Variants in FKBP6 observed in about 807,000 individuals in gnomAD.
The protein encoded by FKBP6 is inactive peptidyl-prolyl cis-trans isomerase FKBP6.
Under a neutral mutation model 41.7 loss-of-function variants are expected in FKBP6, and 29 were observed. The observed-to-expected ratio is 0.70, with a 90% confidence interval of 0.52 to 0.95. The LOEUF (loss-of-function observed/expected upper bound fraction) is 0.95, where lower values mean the gene tolerates loss of function less well. Among genes scored for constraint, FKBP6 ranks in the 40% least tolerant of loss-of-function variants. The pLI, the probability that FKBP6 is intolerant of heterozygous loss-of-function variation, is 0.00. For synonymous variants in FKBP6, 130 were observed against 165.1 expected, an observed-to-expected ratio of 0.79 and a Z score of 1.63; for missense variants, 338 against 408.7, an observed-to-expected ratio of 0.83 and a Z score of 1.49.
chr7:73,340,559 A>T, intron 5 of FKBP6, 79 bp from the exon 6 acceptor site: 1 of 1,174,098 alleles, frequency 8.5e-7, no homozygotes, highest in Non-Finnish European at 1.3e-6. Context: ...TAGCTCTGAT[A>T]GTTTTTGCGT....
At chr7:73,344,710 G>T (rs1470676092) in intron 8 of FKBP6, among the ~76,000 whole-genome samples, 1 of 151,936 alleles carries the variant, frequency 6.6e-6, no homozygotes, top group African/African-American at 2.4e-5. Context: ...TCAGCCTCCC[G>T]AGTAGCTGGG....
intron 8 of FKBP6, among the ~76,000 whole-genome samples, chr7:73,353,745 T>G (rs1554551462): frequency 6.6e-6 from 1 of 152,056 alleles, no homozygotes; most frequent in African/African-American, 2.4e-5. Flanking sequence ...TTCTTTTTTT[T>G]TTTTTTGAGG....
At chr7:73,356,198 G>A (rs1166300646) in intron 8 of FKBP6, among the ~76,000 whole-genome samples, 3 of 151,640 alleles carry the variant, frequency 2.0e-5, no homozygotes, top group Admixed American at 6.6e-5. Flanking sequence ...AGAGAACTAC[G>A]TCGTTTTTAA....
chr7:73,342,334 C>T (rs386714649), intron 7 of FKBP6, among the ~76,000 whole-genome samples: 1 of 152,184 alleles, frequency 6.6e-6, no homozygotes, highest in Admixed American at 6.5e-5. Flanking sequence ...ATTAAACATT[C>T]GGTCCAGATT....
At chr7:73,331,829 T>G (rs1804854827) in intron 5 of FKBP6, 53 bp downstream of exon 5, 1 of 1,558,110 alleles carries the variant, frequency 6.4e-7, no homozygotes, top group Non-Finnish European at 8.9e-7. Flanking sequence ...AACTTCCTTG[T>G]TTAAAAAACA....
intron 8 of FKBP6, among the ~76,000 whole-genome samples, chr7:73,353,741 T>G (rs904358414): frequency 6.6e-6 from 1 of 151,854 alleles, no homozygotes; most frequent in African/African-American, 2.4e-5. Context: ...TTTCTTCTTT[T>G]TTTTTTTTTT....
rs1554547142 is a variant in FKBP6, at chr7:73,329,461, G to A, written c.265+12G>A. 6.7e-7 allele frequency: 1 copy of A among 1,487,556 alleles called. No individual in the cohort carries two copies. The highest frequency in any genetic ancestry group is 9.4e-7 in the Non-Finnish European group (1 of 1,064,516). 92.1% of individuals were successfully genotyped at this position (1,487,556 alleles called of 1,614,324 possible). ...GAAACTTGGAGAGGGTAGGTTCAGAGTGGGAGCTGGAGAAGAAGGAATTGT... is the reference window on the plus strand; with the variant it reads ...GAAACTTGGAGAGGGTAGGTTCAGAATGGGAGCTGGAGAAGAAGGAATTGT... On this transcript the variant is annotated intron_variant, in intron 3 of 8. Transcript: ENST00000252037.
At chr7:73,351,128 G>A (rs1270093104) in intron 8 of FKBP6, among the ~76,000 whole-genome samples, 1 of 152,026 alleles carries the variant, frequency 6.6e-6, no homozygotes, top group African/African-American at 2.4e-5. Flanking sequence ...CACCCAGGCT[G>A]GAGTACAGTG....
chr7:73,352,261 G>C (rs1043874787), intron 8 of FKBP6, among the ~76,000 whole-genome samples: 3 of 152,220 alleles, frequency 2.0e-5, no homozygotes, highest in Non-Finnish European at 4.4e-5. Context: ...ACCGCGCCCA[G>C]CCATGGAGCA....
chr7:73,354,455 C>T (rs1554551603), intron 8 of FKBP6, among the ~76,000 whole-genome samples: 1 of 152,158 alleles, frequency 6.6e-6, no homozygotes, highest in Non-Finnish European at 1.5e-5. Context: ...TGAGAAGCCG[C>T]CTGGCAGGAG....
intron 8 of FKBP6, among the ~76,000 whole-genome samples, chr7:73,348,782 G>C (rs1805404586): frequency 6.6e-6 from 1 of 152,170 alleles, no homozygotes; most frequent in Non-Finnish European, 1.5e-5. Flanking sequence ...CCTACTTATA[G>C]TCACTAGTTT....
intron 8 of FKBP6, among the ~76,000 whole-genome samples, chr7:73,357,134 A>G (rs531570341): frequency 6.6e-5 from 10 of 152,158 alleles, no homozygotes; most frequent in African/African-American, 2.4e-4. Flanking sequence ...CTTCTAGAAC[A>G]GTAGCGATGG....
chr7:73,342,138 T>G (rs1805210422), intron 7 of FKBP6, among the ~76,000 whole-genome samples: 1 of 152,158 alleles, frequency 6.6e-6, no homozygotes, highest in Non-Finnish European at 1.5e-5. Context: ...CCCACGTGAC[T>G]AAGCACACCA....
chr7:73,338,890 A>T (rs969189183), intron 5 of FKBP6, among the ~76,000 whole-genome samples: 5 of 152,240 alleles, frequency 3.3e-5, no homozygotes, highest in African/African-American at 1.2e-4. Flanking sequence ...CAAACACAGG[A>T]TGCGCAAATG....
chr7:73,336,928 G>C (rs1162652592), intron 5 of FKBP6: 1 of 337,274 alleles, frequency 3.0e-6, no homozygotes, highest in Non-Finnish European at 6.1e-6. Flanking sequence ...AAGAGATCAA[G>C]GAAACAGAAG....
intron 5 of FKBP6, among the ~76,000 whole-genome samples, chr7:73,339,949 C>CA (rs1422079933): frequency 6.6e-6 from 1 of 152,118 alleles, no homozygotes; most frequent in Non-Finnish European, 1.5e-5. Context: ...TCTGTGTCTA[C>CA]AAAAAAGGCT....
intron 5 of FKBP6, among the ~76,000 whole-genome samples, chr7:73,332,909 C>A (rs932720120): frequency 4.6e-5 from 7 of 152,172 alleles, no homozygotes; most frequent in African/African-American, 1.7e-4. Context: ...CATCAAGCCT[C>A]CTGTTGTGAT....
chr7:73,354,129 AGGCCT>A (rs1405539423), intron 8 of FKBP6, among the ~76,000 whole-genome samples: 2 of 152,138 alleles, frequency 1.3e-5, no homozygotes, highest in Non-Finnish European at 2.9e-5. Context: ...CCATGCTGTG[AGGCCT>A]GGCCCACCCC....
In FKBP6 at chr7:73,344,546, C is replaced by T. The variant is rs575618998; in HGVS notation, c.*2+1647C>T. Among the ~76,000 whole-genome samples, 21 of 152,162 alleles carry T rather than the reference C, an allele frequency of 1.4e-4. 1 individual carries two copies. The South Asian group carries it at 3.9e-3, about 29-fold the overall frequency. On this transcript the variant is annotated intron_variant, in intron 8 of 8. Transcript: ENST00000252037. ...TTGAGGCCTAGTCATTTAAAAGAAG[C>T]TAAAAATCCAGTCATCTTGACAACC... is the stretch of plus-strand genomic sequence containing the variant.
Sources: allele counts gnomAD v4.1 joint callset (sites outside exome capture counted in the v4.1 genomes callset), GRCh38; gene constraint gnomAD v4.1.1; transcripts MANE v1.5; gene names NCBI Gene and HGNC (gene_info 2026-07-23, HGNC 2026-07-21).